The following TAFA1 variants were observed in gnomAD, a reference collection of about 807,000 sequenced individuals.
The protein encoded by TAFA1 is TAFA chemokine like family member 1.
In TAFA1, 4 loss-of-function variants were observed where a neutral mutation model predicts 18.5. That is an observed-to-expected ratio of 0.22 (90% CI 0.11 to 0.49). The LOEUF is 0.49. TAFA1 is among the 20% of genes least tolerant of loss of function. TAFA1 has a pLI of 0.98. For missense variants in TAFA1, 147 were observed against 169.0 expected (o/e 0.87, Z 0.72); for synonymous variants, 56 against 55.2 (o/e 1.01, Z -0.06).
intron 3 of TAFA1, among the ~76,000 whole-genome samples, chr3:68,436,576 A>G (rs1190063519): frequency 6.6e-6 from 1 of 152,144 alleles, no homozygotes; most frequent in Admixed American, 6.6e-5. Flanking sequence ...TTGAAATTTC[A>G]GCAAGTGTTC....
At chr3:68,120,225 CTTTCTTTCTTTCTTTCTTTCTTTCTTTCT>C (rs2065379358) in intron 2 of TAFA1, among the ~76,000 whole-genome samples, 1 of 125,074 alleles carries the variant, frequency 8.0e-6, no homozygotes, top group African/African-American at 3.2e-5. Flanking sequence ...TTCTTTCTTT[CTTTCTTTCTTTCTTTCTTTCTTTCTTTCT>C]TTCTTTCTTT....
chr3:68,262,144 G>A (rs146741632), intron 2 of TAFA1, among the ~76,000 whole-genome samples: 46 of 151,100 alleles, frequency 3.0e-4, no homozygotes, highest in East Asian at 1.2e-3. Context: ...CCAAAATACC[G>A]TCCAATTTAG....
At chr3:68,157,114 G>T (rs1202416579) in intron 2 of TAFA1, among the ~76,000 whole-genome samples, 1 of 152,170 alleles carries the variant, frequency 6.6e-6, no homozygotes, top group East Asian at 1.9e-4. Context: ...TAGAAAACAT[G>T]TTTGGAGCAT....
At chr3:68,296,818 T>G (rs1349137117) in intron 2 of TAFA1, among the ~76,000 whole-genome samples, 2 of 152,202 alleles carry the variant, frequency 1.3e-5, no homozygotes, top group African/African-American at 4.8e-5. Flanking sequence ...ACGAGCTTGT[T>G]ATCACTGGGG....
chr3:68,503,796 A>G (rs2072701870), intron 3 of TAFA1, among the ~76,000 whole-genome samples: 1 of 152,138 alleles, frequency 6.6e-6, no homozygotes, highest in South Asian at 2.1e-4. Context: ...TTCTAATAAT[A>G]TTTTGGAAAG....
chr3:68,453,139 C>T (rs1351927873), intron 3 of TAFA1, among the ~76,000 whole-genome samples: 1 of 152,020 alleles, frequency 6.6e-6, no homozygotes, highest in African/African-American at 2.4e-5. Flanking sequence ...GAGAGTCACC[C>T]GACTCCAGAT....
intron 2 of TAFA1, among the ~76,000 whole-genome samples, chr3:68,189,619 G>A (rs747555745): frequency 1.3e-5 from 2 of 151,834 alleles, no homozygotes; most frequent in Non-Finnish European, 2.9e-5. Context: ...AAGGGAGCAA[G>A]GTGAGAAGTA....
At chr3:68,343,796 G>C (rs2069122878) in intron 2 of TAFA1, among the ~76,000 whole-genome samples, 1 of 152,146 alleles carries the variant, frequency 6.6e-6, no homozygotes, top group African/African-American at 2.4e-5. Context: ...CAAGAAAAAA[G>C]AATGCTGCTG....
chr3:68,488,223 A>T (rs1168470491), intron 3 of TAFA1, among the ~76,000 whole-genome samples: 1 of 152,220 alleles, frequency 6.6e-6, no homozygotes, highest in African/African-American at 2.4e-5. Context: ...TCAGAGTCCC[A>T]AAGCTGAAGA....
intron 3 of TAFA1, among the ~76,000 whole-genome samples, chr3:68,531,316 A>G (rs2073185661): frequency 6.6e-6 from 1 of 152,120 alleles, no homozygotes. Context: ...CAAGTTTTAG[A>G]GCAGAGGTGA....
rs5849825 is a variant in TAFA1, at chr3:68,330,909, G to GT, written c.119-86362dup. On this transcript the variant is annotated intron_variant, in intron 2 of 4. Coordinates refer to ENST00000478136, the MANE Select transcript of TAFA1 (RefSeq NM_213609.4). Reference sequence around the variant, plus strand: ...CTTGAAGACAGGGAATTTCATATGTGTTTTTTTTTCACAGTTTAAAAATAG... The same window carrying GT: ...CTTGAAGACAGGGAATTTCATATGTGTTTTTTTTTTCACAGTTTAAAAATAG... 5.3e-4 allele frequency among the ~76,000 whole-genome samples: 80 copies of GT among 150,648 alleles called. 4 individuals carry two copies. The highest frequency in any genetic ancestry group is 2.4e-4 in the Non-Finnish European group (16 of 67,592).
At chr3:68,448,501 G>C (rs1270352891) in intron 3 of TAFA1, among the ~76,000 whole-genome samples, 1 of 152,064 alleles carries the variant, frequency 6.6e-6, no homozygotes, top group Admixed American at 6.6e-5. Context: ...ATTTCTATTT[G>C]TGACAAAGTC....
At chr3:68,207,200 G>C (rs1032449632) in intron 2 of TAFA1, among the ~76,000 whole-genome samples, 1 of 151,762 alleles carries the variant, frequency 6.6e-6, no homozygotes, top group African/African-American at 2.4e-5. Flanking sequence ...GACTAATATG[G>C]AGTGACATTT....
intron 2 of TAFA1, among the ~76,000 whole-genome samples, chr3:68,308,917 C>A (rs1053193347): frequency 1.3e-5 from 2 of 152,116 alleles, no homozygotes; most frequent in African/African-American, 4.8e-5. Context: ...GATCTTCTTC[C>A]TTCCTACTGC....
At chr3:68,206,482 T>C (rs2066527553) in intron 2 of TAFA1, among the ~76,000 whole-genome samples, 1 of 151,902 alleles carries the variant, frequency 6.6e-6, no homozygotes, top group Non-Finnish European at 1.5e-5. Flanking sequence ...ATGATATTAT[T>C]GAGGTCTCTT....
At chr3:68,341,272 T>G (rs1203892091) in intron 2 of TAFA1, among the ~76,000 whole-genome samples, 2 of 152,126 alleles carry the variant, frequency 1.3e-5, no homozygotes, top group African/African-American at 4.8e-5. Context: ...TTGGTCGGGT[T>G]GGAGATGGAA....
intron 3 of TAFA1, among the ~76,000 whole-genome samples, chr3:68,522,334 T>C (rs1214720328): frequency 1.3e-5 from 2 of 152,164 alleles, no homozygotes; most frequent in East Asian, 1.9e-4. Context: ...GATTGTAAGA[T>C]GTCAAAAGTC....
At chr3:67,997,631 A>G in the TAFA1 span, among the ~76,000 whole-genome samples, 2 of 152,224 alleles carry the variant, frequency 1.3e-5, no homozygotes, top group Admixed American at 6.5e-5. Context: ...AAAGACTTCT[A>G]TTCTTCAGAA....
chr3:68,085,433 A>C (rs1266203224), intron 2 of TAFA1, among the ~76,000 whole-genome samples: 1 of 152,234 alleles, frequency 6.6e-6, no homozygotes, highest in Non-Finnish European at 1.5e-5. Context: ...ACAAAGGAGC[A>C]CATTTTGAGC....
Sources: allele counts gnomAD v4.1 joint callset (sites outside exome capture counted in the v4.1 genomes callset), GRCh38; gene constraint gnomAD v4.1.1; transcripts MANE v1.5; gene names NCBI Gene and HGNC (gene_info 2026-07-23, HGNC 2026-07-21).